The following RIMS3 variants were observed in gnomAD, a reference collection of about 807,000 sequenced individuals.
RIMS3 encodes regulating synaptic membrane exocytosis 3.
RIMS3 carries 15 observed loss-of-function variants against 29.2 expected under a neutral mutation model. That is an observed-to-expected ratio of 0.51 (90% confidence interval 0.34 to 0.79). The LOEUF (loss-of-function observed/expected upper bound fraction) is 0.79, where lower values mean the gene tolerates loss of function less well. Ranked by LOEUF, RIMS3 falls within the 30% of genes least tolerant of loss-of-function variation. The pLI is 0.01. For missense variants in RIMS3, 342 were observed against 421.4 expected, an observed-to-expected ratio of 0.81 and a Z score of 1.65; for synonymous variants, 161 against 170.1, an observed-to-expected ratio of 0.95 and a Z score of 0.41.
chr1:40,685,351 TATTATATAATATA>T, the RIMS3 span, among the ~76,000 whole-genome samples: 16 of 43,276 alleles, frequency 3.7e-4, no homozygotes, highest in Non-Finnish European at 5.8e-4. Context: ...ATTATATATA[TATTATATAATATA>T]ATATATATTA....
Position 40,621,027 on chromosome 1 carries a change from A to G in RIMS3, c.*5490T>C, listed in dbSNP as rs1047249853. 2 of 152,360 alleles carry G rather than the reference A, an allele frequency of 1.3e-5. No homozygotes were observed. Among genetic ancestry groups the G allele is most frequent in the Non-Finnish European group, 2.9e-5 (2 of 68,038 alleles). 9.4% of individuals were successfully genotyped at this position (152,360 alleles called of 1,614,324 possible). Reference sequence around the variant, plus strand: ...ACATGCTAAAGGAGTTGGTTGAGCTATCAGGCCCACTCTTCCTAAGGAAGC... The same window carrying G: ...ACATGCTAAAGGAGTTGGTTGAGCTGTCAGGCCCACTCTTCCTAAGGAAGC... On this transcript the variant is annotated 3_prime_UTR_variant, in exon 8 of 8. Transcript: ENST00000372684.
chr1:40,651,544 G>A (rs565850461), intron 1 of RIMS3, among the ~76,000 whole-genome samples: 18 of 152,114 alleles, frequency 1.2e-4, no homozygotes, highest in Non-Finnish European at 2.1e-4. Flanking sequence ...GCTTCCCTAG[G>A]CAATGAACAC....
At chr1:40,637,297 T>G (rs1035383847) in intron 3 of RIMS3, among the ~76,000 whole-genome samples, 1 of 152,088 alleles carries the variant, frequency 6.6e-6, no homozygotes, top group Non-Finnish European at 1.5e-5. Context: ...TGCTTATCTT[T>G]CAGAAAGTCC....
chr1:40,635,983 G>T lies in RIMS3; in HGVS notation c.292C>A (p.Arg98=). 1 of 1,610,794 alleles carries T rather than the reference G, an allele frequency of 6.2e-7. No individual in the cohort carries two copies. Among genetic ancestry groups the T allele is most frequent in the South Asian group, 1.1e-5 (1 of 91,060 alleles). The change falls in exon 4 of 8, where the codon CGG becomes AGG. Residue 98 remains arginine (R), a synonymous_variant. Transcript: ENST00000372684. This position sits in a 1 kb window ranked among gnomAD's most constrained non-coding sequence, Gnocchi z 4.1. ...ETGIAVEMRS[R]VTRQGSREST... is the part of the protein sequence containing the mutation. ...TCCCGGCTGCCCTGGCGTGTGACCC[G>T]GCTCCGCATCTCCACCGCGATGCCT...
chr1:40,659,558 G>A (rs190008176), intron 1 of RIMS3, among the ~76,000 whole-genome samples: 21 of 152,268 alleles, frequency 1.4e-4, no homozygotes, highest in South Asian at 2.1e-4. Flanking sequence ...ACTATGTGCC[G>A]GGGTGAGGCA....
intron 5 of RIMS3, 46 bp downstream of exon 5, chr1:40,633,023 G>A (rs374389900): frequency 6.1e-6 from 9 of 1,474,038 alleles, no homozygotes; most frequent in Admixed American, 1.7e-5. Flanking sequence ...CCTTCCTGTC[G>A]CATGGTCACC....
chr1:40,636,378 G>A lies in RIMS3; in HGVS notation c.218-321C>T, dbSNP rs923464624. Reference sequence around the variant, plus strand: ...CTCACCCTCATCAGGCTCCCCTGACGCCCACCTTCCCACTCGATTTCAGCC... The same window carrying A: ...CTCACCCTCATCAGGCTCCCCTGACACCCACCTTCCCACTCGATTTCAGCC... On this transcript the variant is annotated intron_variant, in intron 3 of 7. Transcript: ENST00000372684. The surrounding 1 kb of genome is among the most constrained non-coding windows in gnomAD (Gnocchi z 4.2). Among the ~76,000 whole-genome samples, 2 of 152,112 alleles carry A rather than the reference G, an allele frequency of 1.3e-5. No individual in the cohort carries two copies. The highest frequency in any genetic ancestry group is 6.5e-5 in the Admixed American group (1 of 15,276).
At chr1:40,671,583 G>A in the RIMS3 span, among the ~76,000 whole-genome samples, 4 of 151,864 alleles carry the variant, frequency 2.6e-5, no homozygotes, top group East Asian at 3.9e-4. Context: ...GGCACCACCC[G>A]ACCACTCTGT....
intron 1 of RIMS3, among the ~76,000 whole-genome samples, chr1:40,652,543 G>A (rs940340429): frequency 5.9e-5 from 9 of 152,332 alleles, no homozygotes; most frequent in Non-Finnish European, 8.8e-5. Context: ...AGAGGCAGAG[G>A]TGGCTCTAAA....
intron 1 of RIMS3, among the ~76,000 whole-genome samples, chr1:40,656,803 G>T (rs1266884267): frequency 7.6e-6 from 1 of 131,860 alleles, no homozygotes; most frequent in African/African-American, 2.8e-5. Flanking sequence ...AAAAAAAAAA[G>T]ACACACTAGA....
At chr1:40,626,920 ATTCT>A (rs1646458375) in intron 7 of RIMS3, among the ~76,000 whole-genome samples, 191 bp from the exon 8 acceptor site, 3 of 152,176 alleles carry the variant, frequency 2.0e-5, no homozygotes, top group Admixed American at 1.3e-4. Context: ...TTTTACCTAG[ATTCT>A]TTCTTTCAAT....
chr1:40,680,651 G>A, the RIMS3 span, among the ~76,000 whole-genome samples: 1 of 152,060 alleles, frequency 6.6e-6, no homozygotes, highest in Admixed American at 6.6e-5. Flanking sequence ...ATTTTACACT[G>A]TAGCCAGTAC....
rs1281468838 is a variant in RIMS3 at position 40,623,686 on chromosome 1, A to G, written c.*2831T>C. 1 of 373,054 alleles carries G rather than the reference A, an allele frequency of 2.7e-6. No homozygotes were observed. The highest frequency in any genetic ancestry group is 2.3e-5 in the African/African-American group (1 of 42,750). 23.1% of individuals were successfully genotyped at this position (373,054 alleles called of 1,614,324 possible). A position where few individuals can be genotyped will look rare whatever the true frequency, so the allele number is the denominator to read the frequency against. On this transcript the variant is annotated 3_prime_UTR_variant, in exon 8 of 8. Coordinates refer to ENST00000372684, the MANE Select transcript of RIMS3 (RefSeq NM_014747.3). The stretch of plus-strand genomic sequence containing the variant: ...CCCACCCCCCGTCCTCAAACAGCAG[A>G]TGCTCCCCCACCCCAGCAAACAACC...
chr1:40,665,744 G>A (rs1265456225), upstream of RIMS3: 3 of 152,964 alleles, frequency 2.0e-5, no homozygotes, highest in Non-Finnish European at 4.4e-5. Flanking sequence ...GGGCCGCGTG[G>A]ATGGGCGGGG....
chr1:40,642,213 G>A (rs1057265213), intron 2 of RIMS3, among the ~76,000 whole-genome samples: 16 of 152,204 alleles, frequency 1.1e-4, no homozygotes, highest in African/African-American at 3.9e-4. Context: ...GGAGTCACAT[G>A]GCCCGGGCTT....
chr1:40,656,731 T>C (rs999896317), intron 1 of RIMS3, among the ~76,000 whole-genome samples: 10 of 143,700 alleles, frequency 7.0e-5, no homozygotes, highest in African/African-American at 2.6e-4. Flanking sequence ...TGTGGTGAGC[T>C]GAGATTGCGC....
upstream of RIMS3, chr1:40,669,245 C>T (rs1642462863): frequency 6.6e-6 from 1 of 152,188 alleles, no homozygotes; most frequent in Non-Finnish European, 1.5e-5. Flanking sequence ...AACAGCTCTT[C>T]GAGGTAGGTG....
chr1:40,685,345 T>C, the RIMS3 span, among the ~76,000 whole-genome samples: 1 of 27,646 alleles, frequency 3.6e-5, no homozygotes. Context: ...AATTATATTA[T>C]ATATATATTA....
Position 40,636,178 on chromosome 1 carries a change from G to T in RIMS3, c.218-121C>A. 1 of 1,287,838 alleles carries T rather than the reference G, an allele frequency of 7.8e-7. No homozygotes were observed. Among genetic ancestry groups the T allele is most frequent in the Non-Finnish European group, 1.1e-6 (1 of 921,962 alleles). The allele number at this position is 1,287,838 out of a possible 1,614,324, so 79.8% of individuals were successfully genotyped here. A position where few individuals can be genotyped will look rare whatever the true frequency, so the allele number is the denominator to read the frequency against. Reference sequence around the variant, plus strand: ...GGGGGGTTGATGGGGAGGATGAGCAGGGCTCTGACTGGAGGCAGGGGCATG... The same window carrying T: ...GGGGGGTTGATGGGGAGGATGAGCATGGCTCTGACTGGAGGCAGGGGCATG... On this transcript the variant is annotated intron_variant, in intron 3 of 7. Transcript: ENST00000372684. This position sits in a 1 kb window ranked among gnomAD's most constrained non-coding sequence, Gnocchi z 4.2.
Sources: allele counts gnomAD v4.1 joint callset (sites outside exome capture counted in the v4.1 genomes callset), GRCh38; gene constraint gnomAD v4.1.1; non-coding constraint Gnocchi (gnomAD v3.1); transcripts MANE v1.5; gene names NCBI Gene and HGNC (gene_info 2026-07-23, HGNC 2026-07-21).